The following MGAT4C variants were observed in gnomAD, a reference collection of about 807,000 sequenced individuals.
The protein encoded by MGAT4C is MGAT4 family member C, also known as alpha-1,3-mannosyl-glycoprotein 4-beta-N-acetylglucosaminyltransferase C.
In MGAT4C, 19 loss-of-function variants were observed where a neutral mutation model predicts 40.1. The ratio of observed to expected loss-of-function variants is 0.47; its 90% CI spans 0.33 to 0.70. MGAT4C has a LOEUF of 0.70. Among genes scored for constraint, MGAT4C ranks in the 30% least tolerant of loss-of-function variants. The pLI is 0.02. For synonymous variants in MGAT4C, 181 were observed against 187.1 expected (o/e 0.97, Z 0.27); for missense variants, 491 against 563.2 (o/e 0.87, Z 1.30).
chr12:86,089,134 T>C (rs1320513220), intron 1 of MGAT4C, among the ~76,000 whole-genome samples: 5 of 151,976 alleles, frequency 3.3e-5, no homozygotes, highest in Admixed American at 1.3e-4. Flanking sequence ...ATAAATGGTA[T>C]ATTTTAAGTT....
intron 1 of MGAT4C, among the ~76,000 whole-genome samples, chr12:86,212,891 CAAAAAAA>C (rs71076172): frequency 1.2e-3 from 27 of 22,518 alleles, no homozygotes; most frequent in African/African-American, 4.2e-3. Flanking sequence ...GACTCCGTCT[CAAAAAAA>C]AAAAAAAAAA....
intron 3 of MGAT4C, among the ~76,000 whole-genome samples, chr12:86,418,322 G>T (rs1956757847): frequency 6.6e-6 from 1 of 152,094 alleles, no homozygotes; most frequent in African/African-American, 2.4e-5. Flanking sequence ...GGTAATAGGG[G>T]CTGGGCACAG....
At chr12:86,425,000 C>T (rs147526551) in intron 3 of MGAT4C, among the ~76,000 whole-genome samples, 1 of 152,062 alleles carries the variant, frequency 6.6e-6, no homozygotes, top group Non-Finnish European at 1.5e-5. Flanking sequence ...TCATGATCCA[C>T]CTGCCTCAGC....
chr12:86,336,283 A>G (rs1954790934), intron 3 of MGAT4C, among the ~76,000 whole-genome samples: 1 of 152,190 alleles, frequency 6.6e-6, no homozygotes, highest in Non-Finnish European at 1.5e-5. Context: ...ATTTGCGAAC[A>G]ATCCTACCAC....
chr12:86,612,260 A>G (rs1259899724), intron 2 of MGAT4C, among the ~76,000 whole-genome samples: 3 of 152,124 alleles, frequency 2.0e-5, no homozygotes, highest in African/African-American at 7.2e-5. Flanking sequence ...ATCCCCATAT[A>G]CTTATTTTCT....
intron 4 of MGAT4C, among the ~76,000 whole-genome samples, chr12:86,316,777 G>A (rs116721492): frequency 0.011 from 1,680 of 152,150 alleles, 39 homozygotes; most frequent in African/African-American, 0.038. Flanking sequence ...TCACTAGCTG[G>A]GTGATGGAAT....
intron 4 of MGAT4C, among the ~76,000 whole-genome samples, chr12:86,315,946 T>A (rs1954210098): frequency 2.0e-5 from 3 of 151,544 alleles, no homozygotes; most frequent in Non-Finnish European, 4.4e-5. Flanking sequence ...TTACAAACTA[T>A]GCATCCAACA....
At chr12:86,550,663 G>A (rs1161764192) in intron 2 of MGAT4C, among the ~76,000 whole-genome samples, 1 of 152,186 alleles carries the variant, frequency 6.6e-6, no homozygotes, top group African/African-American at 2.4e-5. Context: ...CGCTATGACT[G>A]TGGTCCTGCA....
intron 2 of MGAT4C, among the ~76,000 whole-genome samples, chr12:86,559,147 C>A (rs975115374): frequency 5.3e-5 from 8 of 151,796 alleles, no homozygotes; most frequent in African/African-American, 1.9e-4. Context: ...GAATATAATA[C>A]TGGAGCACCC....
chr12:86,601,964 G>A (rs1593031785), intron 2 of MGAT4C, among the ~76,000 whole-genome samples: 3 of 152,148 alleles, frequency 2.0e-5, no homozygotes, highest in Admixed American at 6.5e-5. Flanking sequence ...CCGAGCTTTG[G>A]GGTGCCACCG....
At chr12:86,378,954 G>A (rs1403752673) in intron 3 of MGAT4C, among the ~76,000 whole-genome samples, 1 of 152,054 alleles carries the variant, frequency 6.6e-6, no homozygotes, top group African/African-American at 2.4e-5. Context: ...CAATATTGGA[G>A]CTCTTAGAAT....
upstream of MGAT4C, among the ~76,000 whole-genome samples, chr12:86,261,030 T>C (rs1332269350): frequency 6.6e-6 from 1 of 152,030 alleles, no homozygotes; most frequent in African/African-American, 2.4e-5. Context: ...TAGCTACTCA[T>C]AAGTATTAAA....
Position 86,586,795 on chromosome 12 carries a change from GTTGT to G in MGAT4C, c.-229+140410_-229+140413del, listed in dbSNP as rs1016890134. ...TATCCTTCGCCCACTTTTTGATGGG[GTTGT>G]TTGTTTTTTTTCTTGTAAATTTGTT... is the stretch of plus-strand genomic sequence containing the variant. On this transcript the variant is annotated intron_variant, in intron 2 of 7. Coordinates refer to the MGAT4C transcript ENST00000548651. Among the ~76,000 whole-genome samples the G allele has an allele frequency of 1.8e-3, 280 of 151,988 alleles. 1 individual carries two copies. Among genetic ancestry groups the G allele is most frequent in the African/African-American group, 6.1e-3 (255 of 41,496 alleles).
intron 3 of MGAT4C, among the ~76,000 whole-genome samples, chr12:86,341,323 A>G (rs940764776): frequency 6.6e-6 from 1 of 152,210 alleles, no homozygotes; most frequent in African/African-American, 2.4e-5. Context: ...TAGGGCCTTC[A>G]ATCTTCAGTC....
intron 1 of MGAT4C, among the ~76,000 whole-genome samples, chr12:86,146,989 A>T (rs1173722824): frequency 6.6e-6 from 1 of 152,212 alleles, no homozygotes; most frequent in East Asian, 1.9e-4. Context: ...AAACAGACTA[A>T]ATTATCAGAC....
chr12:86,829,134 C>A (rs946166455), intron 1 of MGAT4C, among the ~76,000 whole-genome samples: 2 of 151,382 alleles, frequency 1.3e-5, no homozygotes, highest in African/African-American at 4.8e-5. Context: ...AATCCCCATT[C>A]TTAGTTTGCC....
chr12:86,684,177 C>A (rs1397080412), intron 2 of MGAT4C, among the ~76,000 whole-genome samples: 1 of 152,076 alleles, frequency 6.6e-6, no homozygotes, highest in African/African-American at 2.4e-5. Flanking sequence ...TGCATTACCT[C>A]CCCTTGCTCC....
At chr12:86,516,730 A>G (rs1241227040) in intron 2 of MGAT4C, among the ~76,000 whole-genome samples, 1 of 152,214 alleles carries the variant, frequency 6.6e-6, no homozygotes, top group East Asian at 1.9e-4. Flanking sequence ...CTGTTAAAAG[A>G]CTTATATAAA....
chr12:86,412,592 T>C (rs1956628506), intron 3 of MGAT4C, among the ~76,000 whole-genome samples: 1 of 152,190 alleles, frequency 6.6e-6, no homozygotes, highest in African/African-American at 2.4e-5. Flanking sequence ...ATCTTGGAAG[T>C]AACTAAATTA....
Sources: allele counts gnomAD v4.1 joint callset (sites outside exome capture counted in the v4.1 genomes callset), GRCh38; gene constraint gnomAD v4.1.1; transcripts MANE v1.5; gene names NCBI Gene and HGNC (gene_info 2026-07-23, HGNC 2026-07-21).